The following SPECC1L variants were observed in gnomAD, a reference collection of about 807,000 sequenced individuals.
SPECC1L encodes sperm antigen with calponin homology and coiled-coil domains 1 like.
In SPECC1L, 40 loss-of-function variants were observed where a neutral mutation model predicts 116.8. The ratio of observed to expected loss-of-function variants is 0.34; its 90% CI spans 0.27 to 0.45. SPECC1L has a LOEUF of 0.45. SPECC1L is among the 20% of genes least tolerant of loss of function. The pLI is 1.00. For synonymous variants in SPECC1L, 504 were observed against 500.6 expected, an observed-to-expected ratio of 1.01 and a Z score of -0.09; for missense variants, 1,110 against 1,373.6, an observed-to-expected ratio of 0.81 and a Z score of 3.03.
chr22:24,398,594 C>T (rs957380397), intron 14 of SPECC1L, among the ~76,000 whole-genome samples: 5 of 152,170 alleles, frequency 3.3e-5, no homozygotes, highest in African/African-American at 4.8e-5. Flanking sequence ...CTAAAGAGGC[C>T]TTTCTCAGAG....
intron 14 of SPECC1L, among the ~76,000 whole-genome samples, chr22:24,390,678 A>G (rs1294113665): frequency 1.3e-5 from 2 of 152,124 alleles, no homozygotes; most frequent in East Asian, 3.9e-4. Flanking sequence ...GTGTCTACTC[A>G]TAAGTTCTCC....
intron 2 of SPECC1L, among the ~76,000 whole-genome samples, chr22:24,286,026 T>G (rs1237957947): frequency 4.6e-5 from 7 of 152,266 alleles, no homozygotes; most frequent in African/African-American, 1.7e-4. Flanking sequence ...ATAATCAAGT[T>G]ACTCATTTAT....
At chr22:24,343,831 T>G (rs1215606213) in intron 10 of SPECC1L, among the ~76,000 whole-genome samples, 3 of 152,216 alleles carry the variant, frequency 2.0e-5, no homozygotes, top group South Asian at 2.1e-4. Context: ...GTAAAATTAT[T>G]TAGGCAAACA....
Position 24,313,383 on chromosome 22 carries a change from A to G in SPECC1L, c.224A>G (p.Lys75Arg), listed in dbSNP as rs201550707. Residue 75 changes from lysine to arginine, a missense_variant, in exon 4 of 17, where the codon AAG (lysine) becomes AGG (arginine). Around this residue, in one of 4 missense-constraint regions of SPECC1L, gnomAD observed 437 missense variants for 482.6 expected, o/e 0.91. Coordinates refer to ENST00000314328, the MANE Select transcript of SPECC1L (RefSeq NM_015330.6). ...ACGGTGACTAATGGTGTTAAAGGAA[A>G]GAAAAGCACCTGCCCATCTGCAGCA... ...GVTVTNGVKG[K>R]KSTCPSAAPS... The G allele has an allele frequency of 6.2e-7, 1 of 1,614,234 alleles. No homozygotes were observed. Among genetic ancestry groups the G allele is most frequent in the Non-Finnish European group, 8.5e-7 (1 of 1,180,048 alleles).
At chr22:24,287,614 A>C (rs1020201855) in intron 2 of SPECC1L, among the ~76,000 whole-genome samples, 2 of 152,118 alleles carry the variant, frequency 1.3e-5, no homozygotes, top group Non-Finnish European at 2.9e-5. Flanking sequence ...GGTATAGGCC[A>C]CCCTTGAGAT....
chr22:24,392,110 G>A (rs1387884411), intron 14 of SPECC1L, among the ~76,000 whole-genome samples: 1 of 152,124 alleles, frequency 6.6e-6, no homozygotes, highest in Non-Finnish European at 1.5e-5. Flanking sequence ...CCATACAATT[G>A]GCTCTCCAAG....
chr22:24,406,836 T>C (rs2042601354), intron 14 of SPECC1L, among the ~76,000 whole-genome samples: 1 of 152,246 alleles, frequency 6.6e-6, no homozygotes, highest in Non-Finnish European at 1.5e-5. Flanking sequence ...CCCAGCTTCG[T>C]TGTTCTTATA....
intron 14 of SPECC1L, among the ~76,000 whole-genome samples, chr22:24,388,517 G>A: frequency 6.6e-6 from 1 of 151,762 alleles, no homozygotes; most frequent in Non-Finnish European, 1.5e-5. Flanking sequence ...CCAAGTCTTT[G>A]CTATTGTGAA....
rs531839356 is a variant in SPECC1L at position 24,279,709 on chromosome 22, A to C, written c.-38+2906A>C. On this transcript the variant is annotated intron_variant, in intron 2 of 16. Transcript: ENST00000314328. ...GTGATTTTCATGCCTCAGCCTTCCG[A>C]GTAGCTGGGATTACAGGCATGTGCC... Among the ~76,000 whole-genome samples, 7 of 152,156 alleles carry C rather than the reference A, an allele frequency of 4.6e-5. No homozygotes were observed. In the South Asian group the frequency reaches 1.5e-3, roughly 32 times the overall value.
chr22:24,340,997 A>G (rs1046168535), intron 10 of SPECC1L, among the ~76,000 whole-genome samples: 1 of 152,216 alleles, frequency 6.6e-6, no homozygotes, highest in African/African-American at 2.4e-5. Context: ...TCCCTGAACA[A>G]AAATTTTAAA....
At chr22:24,285,370 T>C (rs922536157) in intron 2 of SPECC1L, among the ~76,000 whole-genome samples, 2 of 152,234 alleles carry the variant, frequency 1.3e-5, no homozygotes, top group African/African-American at 2.4e-5. Flanking sequence ...TAGCATCCTA[T>C]GTGTTAGCTG....
intron 2 of SPECC1L, among the ~76,000 whole-genome samples, chr22:24,277,791 G>A (rs2048865636): frequency 6.6e-6 from 1 of 152,172 alleles, no homozygotes; most frequent in Non-Finnish European, 1.5e-5. Context: ...ATGAACATTT[G>A]CGTTTTTGCC....
intron 14 of SPECC1L, among the ~76,000 whole-genome samples, chr22:24,410,037 G>C (rs558612241): frequency 6.6e-6 from 1 of 152,350 alleles, no homozygotes. Flanking sequence ...TTAAAAAGTT[G>C]AGGTGGTTCA....
At chr22:24,385,483 CTG>C (rs1290247910) in intron 14 of SPECC1L, among the ~76,000 whole-genome samples, 1 of 152,086 alleles carries the variant, frequency 6.6e-6, no homozygotes, top group African/African-American at 2.4e-5. Context: ...AATGGAAAGA[CTG>C]AAAGTAAAAG....
chr22:24,345,653 A>T lies in SPECC1L; in HGVS notation c.2653-1433A>T, dbSNP rs111354216. 2.6e-3 allele frequency among the ~76,000 whole-genome samples: 400 copies of T among 152,372 alleles called. 3 individuals carry two copies. The highest frequency in any genetic ancestry group is 8.9e-3 in the African/African-American group (371 of 41,592). On this transcript the variant is annotated intron_variant, in intron 10 of 16. Coordinates refer to ENST00000314328, the MANE Select transcript of SPECC1L (RefSeq NM_015330.6). ...GAATACAAATGGCCAATGGCACATG[A>T]AAAGATGATCAACATCATTAGTCAT...
Position 24,412,467 on chromosome 22 carries a change from G to A in SPECC1L, c.3205-181G>A, listed in dbSNP as rs743363. 294,857 of 671,192 alleles carry A rather than the reference G, an allele frequency of 0.44. 67,704 individuals carry two copies. Among genetic ancestry groups the A allele is most frequent in the Admixed American group, 0.51 (24,649 of 48,340 alleles). The allele number at this position is 671,192 out of a possible 1,614,324, so 41.6% of individuals were successfully genotyped here. A position where few individuals can be genotyped will look rare whatever the true frequency, so the allele number is the denominator to read the frequency against. ...AGCAGGTCAGGAGGGGAGGGTGGCC[G>A]GGCCTAGTGCAGGGTACTTGGTGCA... On this transcript the variant is annotated intron_variant, in intron 15 of 16. Transcript: ENST00000314328.
At chr22:24,377,101 A>G (rs908469350) in intron 14 of SPECC1L, among the ~76,000 whole-genome samples, 1 of 152,164 alleles carries the variant, frequency 6.6e-6, no homozygotes, top group Non-Finnish European at 1.5e-5. Flanking sequence ...GAATCACACA[A>G]TATGTGGTCC....
At position 24,369,272 on chromosome 22, in the gene SPECC1L, G is replaced by C. The variant is rs746770085; in HGVS notation, c.3039G>C (p.Lys1013Asn). 1 of 1,614,202 alleles carries C rather than the reference G, an allele frequency of 6.2e-7. No homozygotes were observed. Among genetic ancestry groups the C allele is most frequent in the Non-Finnish European group, 8.5e-7 (1 of 1,180,002 alleles). ...SALAREYGGS[K>N]RNALLKWCQK... The stretch of plus-strand genomic sequence containing the variant: ...TGGCCAGAGAATATGGAGGATCAAA[G>C]AGGAACGCCTTGCTGAAGTGGTGTC... Residue 1013 changes from lysine (K) to asparagine (N), a missense_variant, in exon 14 of 17, where the codon AAG (lysine) becomes AAC (asparagine). By Grantham distance (94) the Lys-to-Asn change is moderately conservative. This residue lies in a region of SPECC1L where 76 missense variants were observed against 148.5 expected (regional missense o/e 0.51). Coordinates refer to ENST00000314328, the MANE Select transcript of SPECC1L (RefSeq NM_015330.6).
chr22:24,366,151 T>G (rs569139096), intron 13 of SPECC1L, among the ~76,000 whole-genome samples: 1 of 151,834 alleles, frequency 6.6e-6, no homozygotes, highest in African/African-American at 2.4e-5. Flanking sequence ...CAAGGAACAG[T>G]AGAAGAAAAG....
Sources: gnomAD v4.1 joint callset for allele counts (sites outside exome capture counted in the v4.1 genomes callset) on GRCh38, gnomAD v4.1.1 for gene constraint, gnomAD v4.1.1 regional missense constraint, MANE v1.5 for transcripts, NCBI Gene and HGNC (gene_info 2026-07-23, HGNC 2026-07-21) for gene names.